HEATR5A: variants seen among roughly 807,000 people sequenced by gnomAD.
HEATR5A encodes the protein HEAT repeat-containing protein 5A.
Under a neutral mutation model 218.8 loss-of-function variants are expected in HEATR5A, and 178 were observed. The observed-to-expected ratio is 0.81, with a 90% CI of 0.72 to 0.92. The LOEUF is 0.92. Among genes scored for constraint, HEATR5A ranks in the 40% least tolerant of loss-of-function variants. The pLI, the probability that HEATR5A is intolerant of heterozygous loss-of-function variation, is 0.00. For synonymous variants in HEATR5A, 864 were observed against 871.6 expected, an observed-to-expected ratio of 0.99 and a Z score of 0.15; for missense variants, 2,420 against 2,418.9, an observed-to-expected ratio of 1.00 and a Z score of -0.01.
intron 28 of HEATR5A, among the ~76,000 whole-genome samples, chr14:31,312,758 C>T (rs1437755049): frequency 1.3e-5 from 2 of 151,956 alleles, no homozygotes; most frequent in South Asian, 2.1e-4. Flanking sequence ...ATTAGCTAGG[C>T]GTGGTGGTGT....
intron 25 of HEATR5A, chr14:31,320,284 C>T (rs529130327): frequency 5.6e-6 from 4 of 718,664 alleles, no homozygotes; most frequent in Admixed American, 5.3e-5. Flanking sequence ...TGGCCTCAGA[C>T]AGGGCAAAGC....
chr14:31,400,985 G>A (rs1457411464), intron 2 of HEATR5A, among the ~76,000 whole-genome samples: 4 of 151,756 alleles, frequency 2.6e-5, no homozygotes, highest in African/African-American at 7.3e-5. Context: ...GACTACAGGC[G>A]CCCGCCACCA....
chr14:31,389,140 G>A (rs1439518713), intron 6 of HEATR5A, 135 bp from the exon 7 acceptor site: 3 of 758,060 alleles, frequency 4.0e-6, no homozygotes, highest in African/African-American at 1.7e-5. Context: ...TTACAGAACA[G>A]TCTACACAGT....
chr14:31,401,789 T>TTGTAATGGCTACCTGTTTTATTC (rs1424894469), intron 2 of HEATR5A, among the ~76,000 whole-genome samples: 11 of 152,256 alleles, frequency 7.2e-5, no homozygotes, highest in Non-Finnish European at 1.3e-4. Flanking sequence ...AGAGCTGACC[T>TTGTAATGGCTACCTGTTTTATTC]TGTAATGGCT....
At chr14:31,305,521 C>T (rs1899529938) in intron 31 of HEATR5A, among the ~76,000 whole-genome samples, 1 of 152,124 alleles carries the variant, frequency 6.6e-6, no homozygotes, top group South Asian at 2.1e-4. Context: ...CCCCGGCCTC[C>T]CAAAGTGCCA....
At chr14:31,317,812 T>G (rs1370852672) in intron 26 of HEATR5A, among the ~76,000 whole-genome samples, 2 of 152,226 alleles carry the variant, frequency 1.3e-5, no homozygotes, top group Non-Finnish European at 2.9e-5. Context: ...AAACAGGTAC[T>G]TGTATAACAT....
chr14:31,344,110 C>A (rs975747334), intron 20 of HEATR5A, 45 bp from the exon 21 acceptor site: 7 of 1,177,424 alleles, frequency 5.9e-6, no homozygotes, highest in Non-Finnish European at 6.9e-6. Context: ...CCTATAAAAA[C>A]ATTACTCTTT....
intron 26 of HEATR5A, among the ~76,000 whole-genome samples, chr14:31,316,762 A>C (rs891767310): frequency 3.9e-5 from 6 of 152,194 alleles, no homozygotes; most frequent in Admixed American, 2.6e-4. Flanking sequence ...GTGGCATTAC[A>C]GCTCATGTAG....
At chr14:31,377,125 TAAAA>T (rs35859115) in intron 11 of HEATR5A, among the ~76,000 whole-genome samples, 11 of 125,558 alleles carry the variant, frequency 8.8e-5, no homozygotes, top group Non-Finnish European at 9.8e-5. Context: ...CCCTGTCTCT[TAAAA>T]AAAAAAAAAA....
At chr14:31,331,055 C>T (rs556647925) in intron 22 of HEATR5A, among the ~76,000 whole-genome samples, 11 of 150,264 alleles carry the variant, frequency 7.3e-5, no homozygotes, top group African/African-American at 2.4e-4. Flanking sequence ...GATTCTCCTG[C>T]CTCAGCCTCC....
rs1289722994 is a variant in HEATR5A, at chr14:31,302,315, ATTG to A, written c.5441_5443del (p.Thr1814del). 4.4e-6 allele frequency: 7 copies of A among 1,597,918 alleles called. No individual in the cohort carries two copies. The highest frequency in any genetic ancestry group is 6.0e-6 in the Non-Finnish European group (7 of 1,171,774). Reference sequence around the variant, plus strand: ...ATTACCTGGATCCCAACAGTCAAGAATTGTTGTTAAGGCACTTCGGAGAAGGTC... The same window carrying A: ...ATTACCTGGATCCCAACAGTCAAGAATTGTTAAGGCACTTCGGAGAAGGTC... On this transcript the variant is annotated inframe_deletion, in exon 33 of 36. Transcript: ENST00000543095.
At chr14:31,358,506 A>T in intron 16 of HEATR5A, 131 bp downstream of exon 16, 2 of 822,886 alleles carry the variant, frequency 2.4e-6, no homozygotes, top group Non-Finnish European at 3.8e-6. Context: ...GTGAATAATT[A>T]AACAAAAACT....
chr14:31,294,960 G>C (rs573262134), intron 34 of HEATR5A, among the ~76,000 whole-genome samples: 4 of 151,986 alleles, frequency 2.6e-5, no homozygotes, highest in African/African-American at 9.7e-5. Context: ...GCAGGCAACA[G>C]GACAGACGAT....
chr14:31,383,389 T>C (rs2030075653), intron 10 of HEATR5A, 132 bp downstream of exon 10: 1 of 797,530 alleles, frequency 1.3e-6, no homozygotes, highest in Non-Finnish European at 2.0e-6. Flanking sequence ...TAAAATAAAA[T>C]TGTAAATGTA....
Position 31,386,499 on chromosome 14 carries a change from A to G in HEATR5A, c.1266T>C (p.Val422=). The G allele has an allele frequency of 6.2e-7, 1 of 1,613,140 alleles. No individual in the cohort carries two copies. Among genetic ancestry groups the G allele is most frequent in the Non-Finnish European group, 8.5e-7 (1 of 1,179,664 alleles). ...TDVAASQHML[V]CALQELGNLI... ...GATTTCCAAGTTCTTGTAAAGCACA[A>G]ACCAGCATATGTTGGCTAGCGGCTA... is the stretch of plus-strand genomic sequence containing the variant. The change falls in exon 9 of 36, where the codon GTT becomes GTC. Residue 422 remains valine (V), a synonymous_variant. Coordinates refer to ENST00000543095, the MANE Select transcript of HEATR5A (RefSeq NM_015473.4).
chr14:31,317,246 T>G (rs1227753751), intron 26 of HEATR5A, among the ~76,000 whole-genome samples: 2 of 152,002 alleles, frequency 1.3e-5, no homozygotes, highest in Non-Finnish European at 2.9e-5. Context: ...ATAATTAATT[T>G]ATTCATGCCA....
chr14:31,387,377 T>G lies in HEATR5A; in HGVS notation c.934-2A>C, dbSNP rs866252462. 3 of 1,603,518 alleles carry G rather than the reference T, an allele frequency of 1.9e-6. No individual in the cohort carries two copies. The highest frequency in any genetic ancestry group is 8.5e-7 in the Non-Finnish European group (1 of 1,174,008). ...TGTTGAAACAAATACCACATAAGCC[T>G]AAAAAGGAAAAGAGTTTTATTTTCA... is the stretch of plus-strand genomic sequence containing the variant. On this transcript the variant is annotated splice_acceptor_variant, in intron 7 of 35. Transcript: ENST00000543095. LOFTEE classifies it high-confidence loss of function.
chr14:31,322,582 GCTGA>G (rs1264553790), intron 24 of HEATR5A, among the ~76,000 whole-genome samples: 1 of 152,156 alleles, frequency 6.6e-6, no homozygotes, highest in Non-Finnish European at 1.5e-5. Context: ...ACTTTGGGAG[GCTGA>G]GGTGGGAGAG....
At chr14:31,416,609 TA>T (rs199498322) in intron 1 of HEATR5A, among the ~76,000 whole-genome samples, 26 of 147,390 alleles carry the variant, frequency 1.8e-4, no homozygotes, top group Admixed American at 2.0e-4. Context: ...TTGTTACCAT[TA>T]AAAAAAAAAG....
Sources: allele counts gnomAD v4.1 joint callset (sites outside exome capture counted in the v4.1 genomes callset), GRCh38; gene constraint gnomAD v4.1.1; transcripts MANE v1.5; gene names NCBI Gene and HGNC (gene_info 2026-07-23, HGNC 2026-07-21).